PGD: variants seen among roughly 807,000 people sequenced by gnomAD.
PGD encodes phosphogluconate dehydrogenase.
In PGD, 21 loss-of-function variants were observed where a neutral mutation model predicts 60.4. That is an observed-to-expected ratio of 0.35 (90% CI 0.25 to 0.50). The LOEUF is 0.50. Ranked by LOEUF, PGD falls within the 20% of genes least tolerant of loss-of-function variation. The probability of loss-of-function intolerance (pLI) is 0.98; values close to 1 mark genes in which losing one functional copy is unlikely to be tolerated. For synonymous variants in PGD, 230 were observed against 235.9 expected (o/e 0.97, Z 0.23); for missense variants, 477 against 613.1 (o/e 0.78, Z 2.34).
rs531507301 is a variant in PGD, at chr1:10,419,615, T to C, written c.1333-15T>C. ...CCATGGACTGTCCTGACCAACCTAC[T>C]CTCTCGTTTCCTAGGCTCAGCGGGA... On this transcript the variant is annotated splice_polypyrimidine_tract_variant and intron_variant, in intron 12 of 12. Coordinates refer to ENST00000270776, the MANE Select transcript of PGD (RefSeq NM_002631.4). 7.0e-5 allele frequency: 113 copies of C among 1,613,998 alleles called. 1 individual carries two copies. In the South Asian group the frequency reaches 1.2e-3, roughly 17 times the overall value.
Position 10,416,912 on chromosome 1 carries a change from A to G in PGD, c.845-75A>G, listed in dbSNP as rs935803482. On this transcript the variant is annotated intron_variant, in intron 8 of 12. Coordinates refer to ENST00000270776, the MANE Select transcript of PGD (RefSeq NM_002631.4). The stretch of plus-strand genomic sequence containing the variant: ...ATCTGGATGTATACATGCAGGTCAC[A>G]GGGGATATGATAGTTTAGCTTGGGC... 5 of 1,456,596 alleles carry G rather than the reference A, an allele frequency of 3.4e-6. No individual in the cohort carries two copies. The South Asian group carries it at 3.5e-5, about 10-fold the overall frequency. The allele number at this position is 1,456,596 out of a possible 1,614,324, so 90.2% of individuals were successfully genotyped here. A position where few individuals can be genotyped will look rare whatever the true frequency, so the allele number is the denominator to read the frequency against.
chr1:10,405,800 C>T (rs1033726314), intron 5 of PGD, among the ~76,000 whole-genome samples: 3 of 151,974 alleles, frequency 2.0e-5, no homozygotes, highest in African/African-American at 7.2e-5. Flanking sequence ...CTCACCACTG[C>T]ACTCCATCAT....
At chr1:10,418,062 C>G (rs1460282561) in intron 10 of PGD, among the ~76,000 whole-genome samples, 1 of 146,476 alleles carries the variant, frequency 6.8e-6, no homozygotes, top group Non-Finnish European at 1.5e-5. Context: ...TGTGAACTAT[C>G]GTGCCCTCTG....
rs1022631755 is a variant in PGD, at chr1:10,420,018, C to T, written c.*269C>T. On this transcript the variant is annotated 3_prime_UTR_variant, in exon 13 of 13. Transcript: ENST00000270776. ...TTGCGGCAGTGGCTTCCGCGTGCCC[C>T]GTGTGCTGGTGCGGTTCCCATCACG... 10 of 442,854 alleles carry T rather than the reference C, an allele frequency of 2.3e-5. No individual in the cohort carries two copies. The highest frequency in any genetic ancestry group is 6.0e-5 in the African/African-American group (3 of 50,150). 27.4% of individuals were successfully genotyped at this position (442,854 alleles called of 1,614,324 possible).
chr1:10,409,275 G>A lies in PGD; in HGVS notation c.519+1135G>A, dbSNP rs574176689. Among the ~76,000 whole-genome samples, 9 of 152,318 alleles carry A rather than the reference G, an allele frequency of 5.9e-5. No individual in the cohort carries two copies. In the South Asian group the frequency reaches 1.9e-3, roughly 32 times the overall value. ...CCTCCTAGGCCTGCCAGTGCTTGGT[G>A]GCTTTGGCCACAGCAGCTCACTTGT... On this transcript the variant is annotated intron_variant, in intron 6 of 12. Coordinates refer to ENST00000270776, the MANE Select transcript of PGD (RefSeq NM_002631.4).
intron 3 of PGD, among the ~76,000 whole-genome samples, chr1:10,402,557 C>T (rs924649724): frequency 6.6e-6 from 1 of 151,264 alleles, no homozygotes; most frequent in Admixed American, 6.6e-5. Context: ...GGGTCTCACT[C>T]TGTCCCCCAG....
In PGD at chr1:10,399,070, C is replaced by T. The variant is rs776654095; in HGVS notation, c.-48C>T. ...GGAGCCGCTGCGGGTCTTTCCCTCA[C>T]TCGTCCTCCGCGCGTCGCCGCTCTT... On this transcript the variant is annotated 5_prime_UTR_variant, in exon 1 of 13. Coordinates refer to ENST00000270776, the MANE Select transcript of PGD (RefSeq NM_002631.4). 1 of 1,608,428 alleles carries T rather than the reference C, an allele frequency of 6.2e-7. No homozygotes were observed. Among genetic ancestry groups the T allele is most frequent in the East Asian group, 2.2e-5 (1 of 44,832 alleles).
chr1:10,417,406 G>A lies in PGD; in HGVS notation c.1006G>A (p.Ala336Thr), dbSNP rs770894495. Residue 336 changes from alanine (A) to threonine (T), a missense_variant, in exon 10 of 13, where the codon GCT becomes ACT. Transcript: ENST00000270776. Reference protein sequence around the residue: ...ALYASKIISYAQGFMLLRQAA... With the variant: ...ALYASKIISYTQGFMLLRQAA... ...CTACGCTTCCAAGATCATCTCTTAC[G>A]CTCAAGGCTTTATGCTGCTAAGGCA... 9 of 1,613,272 alleles carry A rather than the reference G, an allele frequency of 5.6e-6. No homozygotes were observed. The highest frequency in any genetic ancestry group is 7.6e-6 in the Non-Finnish European group (9 of 1,179,758).
intron 7 of PGD, 180 bp from the exon 8 acceptor site, chr1:10,412,882 C>T (rs2124206178): frequency 1.8e-6 from 1 of 570,850 alleles, no homozygotes; most frequent in East Asian, 2.8e-5. Context: ...AGGTTCAGAA[C>T]AAACACAACT....
intron 8 of PGD, chr1:10,415,423 C>T (rs1450904431): frequency 6.6e-6 from 1 of 152,208 alleles, no homozygotes; most frequent in Non-Finnish European, 1.5e-5. Flanking sequence ...ATCCTACTCT[C>T]CTCCTGTGGA....
intron 6 of PGD, among the ~76,000 whole-genome samples, chr1:10,410,428 C>T (rs1639480003): frequency 6.6e-6 from 1 of 150,980 alleles, no homozygotes; most frequent in South Asian, 2.1e-4. Flanking sequence ...GGCGACAGAG[C>T]GAGACTCCGT....
At chr1:10,408,549 G>A (rs1324883541) in intron 6 of PGD, among the ~76,000 whole-genome samples, 1 of 152,170 alleles carries the variant, frequency 6.6e-6, no homozygotes, top group Non-Finnish European at 1.5e-5. Flanking sequence ...TTCCATGAAC[G>A]TGGAAAATTC....
intron 10 of PGD, among the ~76,000 whole-genome samples, chr1:10,418,315 C>T (rs921385823): frequency 1.3e-5 from 2 of 152,148 alleles, no homozygotes; most frequent in African/African-American, 4.8e-5. Flanking sequence ...GTCAGATTTT[C>T]TTCAGCCTCA....
Position 10,419,761 on chromosome 1 carries a change from C to T in PGD, c.*12C>T. On this transcript the variant is annotated 3_prime_UTR_variant, in exon 13 of 13. Transcript: ENST00000270776. Reference sequence around the variant, plus strand: ...CATACAATGCCTGATCATGCTGCTCCTGTCACCCTCCACGATTCCACAGAC... The same window carrying T: ...CATACAATGCCTGATCATGCTGCTCTTGTCACCCTCCACGATTCCACAGAC... 6.2e-7 allele frequency: 1 copy of T among 1,614,136 alleles called. No individual in the cohort carries two copies. The highest frequency in any genetic ancestry group is 8.5e-7 in the Non-Finnish European group (1 of 1,180,022).
chr1:10,399,476 G>A (rs1639272897), intron 1 of PGD, 153 bp from the exon 2 acceptor site: 1 of 691,538 alleles, frequency 1.4e-6, no homozygotes, highest in East Asian at 2.9e-5. Flanking sequence ...CCGAGGCTCT[G>A]CAGCGTGCGC....
chr1:10,418,632 G>C (rs1424123951), intron 10 of PGD, among the ~76,000 whole-genome samples, 194 bp from the exon 11 acceptor site: 1 of 151,956 alleles, frequency 6.6e-6, no homozygotes, highest in East Asian at 1.9e-4. Flanking sequence ...AAAATTAGCC[G>C]GTTGTAGTGG....
chr1:10,399,509 G>A (rs1639274166), intron 1 of PGD, 120 bp from the exon 2 acceptor site: 2 of 905,882 alleles, frequency 2.2e-6, no homozygotes, highest in Non-Finnish European at 3.4e-6. Flanking sequence ...GGGGCCCGCG[G>A]GAGGCGCGGA....
At position 10,408,075 on chromosome 1, in the gene PGD, C is replaced by T; in HGVS notation, c.454C>T (p.His152Tyr). 5 of 1,597,100 alleles carry T rather than the reference C, an allele frequency of 3.1e-6. No homozygotes were observed. Among genetic ancestry groups the T allele is most frequent in the Non-Finnish European group, 4.3e-6 (5 of 1,164,412 alleles). The change falls in exon 6 of 13, where the codon CAC becomes TAC. Residue 152 changes from histidine (H) to tyrosine (Y), a missense_variant. Around this residue, in one of 3 missense-constraint regions of PGD, gnomAD observed 431 missense variants for 556.6 expected, o/e 0.77. Coordinates refer to ENST00000270776, the MANE Select transcript of PGD (RefSeq NM_002631.4). ...CCACACTGTTTCTTTACACAGGCCC[C>T]ACATCAAGACCATCTTCCAAGGCAT... ...MPGGNKEAWP[H>Y]IKTIFQGIAA...
Position 10,417,438 on chromosome 1 carries a change from C to A in PGD, c.1038C>A (p.Ala346=). ...GCTTTATGCTGCTAAGGCAGGCAGCCACCGAGTTTGGCTGGACTCTCAATT... is the reference window on the plus strand; with the variant it reads ...GCTTTATGCTGCTAAGGCAGGCAGCAACCGAGTTTGGCTGGACTCTCAATT... ...AQGFMLLRQA[A]TEFGWTLNYG... The change falls in exon 10 of 13, where the codon GCC becomes GCA. Residue 346 remains alanine, a synonymous_variant. Coordinates refer to ENST00000270776, the MANE Select transcript of PGD (RefSeq NM_002631.4). The A allele has an allele frequency of 6.2e-7, 1 of 1,613,962 alleles. No individual in the cohort carries two copies. Among genetic ancestry groups the A allele is most frequent in the South Asian group, 1.1e-5 (1 of 91,048 alleles).
Sources: allele counts gnomAD v4.1 joint callset (sites outside exome capture counted in the v4.1 genomes callset), GRCh38; gene constraint gnomAD v4.1.1; regional missense constraint gnomAD v4.1.1; transcripts MANE v1.5; gene names NCBI Gene and HGNC (gene_info 2026-07-23, HGNC 2026-07-21).